The following VIRMA variants were observed in gnomAD, a reference collection of about 807,000 sequenced individuals.
VIRMA encodes protein virilizer homolog.
In VIRMA, 65 loss-of-function variants were observed where a neutral mutation model predicts 182.4. The ratio of observed to expected loss-of-function variants is 0.36; its 90% CI spans 0.29 to 0.44. The LOEUF is 0.44. Among genes scored for constraint, VIRMA ranks in the 20% least tolerant of loss-of-function variants. The probability of loss-of-function intolerance (pLI) is 1.00; values close to 1 mark genes in which losing one functional copy is unlikely to be tolerated. For synonymous variants in VIRMA, 709 were observed against 743.1 expected, an observed-to-expected ratio of 0.95 and a Z score of 0.75; for missense variants, 1,752 against 2,158.1, an observed-to-expected ratio of 0.81 and a Z score of 3.73.
At chr8:94,495,616 G>A in intron 19 of VIRMA, 115 bp downstream of exon 19, 1 of 666,212 alleles carries the variant, frequency 1.5e-6, no homozygotes, top group South Asian at 2.4e-5. Context: ...GGCCTGCAAA[G>A]CCTAGAATTC....
intron 16 of VIRMA, among the ~76,000 whole-genome samples, chr8:94,500,862 C>T (rs536636855): frequency 4.6e-5 from 7 of 151,952 alleles, no homozygotes; most frequent in East Asian, 1.9e-4. Flanking sequence ...AATTAGTCAC[C>T]GATAAGAACT....
chr8:94,526,642 A>C lies in VIRMA; in HGVS notation c.1602T>G (p.Leu534=), dbSNP rs1814980175. 6.2e-7 allele frequency: 1 copy of C among 1,614,082 alleles called. No homozygotes were observed. The highest frequency in any genetic ancestry group is 1.3e-5 in the African/African-American group (1 of 74,944). The change falls in exon 8 of 24, where the codon CTT becomes CTG. Residue 534 remains leucine (L), a synonymous_variant. Coordinates refer to ENST00000297591, the MANE Select transcript of VIRMA (RefSeq NM_015496.5). ...RQNEKSGYQK[L]LELILLDQTV... ...TCTGATCTAAAAGTATGAGTTCCAG[A>C]AGCTTTTGATAACCACTTTTTTCAT...
At chr8:94,496,648 T>C in intron 17 of VIRMA, 168 bp from the exon 18 acceptor site, 2 of 493,182 alleles carry the variant, frequency 4.1e-6, no homozygotes, top group South Asian at 1.0e-4. Flanking sequence ...AGGTGAAGTA[T>C]GTTTTCTTTG....
chr8:94,520,747 G>A (rs904625556), intron 8 of VIRMA, among the ~76,000 whole-genome samples: 2 of 152,162 alleles, frequency 1.3e-5, no homozygotes, highest in African/African-American at 4.8e-5. Flanking sequence ...TCCAAGGGAG[G>A]TCTGAGAACC....
In VIRMA at chr8:94,509,645, CAT is replaced by C. The variant is rs751021691; in HGVS notation, c.3879+41_3879+42del. 1.8e-3 allele frequency: 2,700 copies of C among 1,496,842 alleles called. 5 individuals are homozygous for C. Among genetic ancestry groups the C allele is most frequent in the East Asian group, 2.8e-3 (126 of 44,312 alleles). The allele number at this position is 1,496,842 out of a possible 1,614,324, so 92.7% of individuals were successfully genotyped here. A position where few individuals can be genotyped will look rare whatever the true frequency, so the allele number is the denominator to read the frequency against. The stretch of plus-strand genomic sequence containing the variant: ...TTAAATACACACACACACACACACA[CAT>C]ACACATGCAGAGAGAGACTTTATAA... On this transcript the variant is annotated intron_variant, in intron 15 of 23. Coordinates refer to ENST00000297591, the MANE Select transcript of VIRMA (RefSeq NM_015496.5).
intron 10 of VIRMA, among the ~76,000 whole-genome samples, chr8:94,515,656 G>C (rs2130319362): frequency 6.6e-6 from 1 of 152,076 alleles, no homozygotes; most frequent in East Asian, 1.9e-4. Flanking sequence ...ACAAGTGTGA[G>C]CCACCGCGCC....
At chr8:94,536,410 T>C (rs1815343720) in intron 4 of VIRMA, among the ~76,000 whole-genome samples, 1 of 152,250 alleles carries the variant, frequency 6.6e-6, no homozygotes, top group African/African-American at 2.4e-5. Context: ...GCATGGCATC[T>C]GGCATATCAA....
At chr8:94,535,035 C>A (rs764848814) in intron 4 of VIRMA, 28 bp from the exon 5 acceptor site, 1 of 1,550,884 alleles carries the variant, frequency 6.4e-7, no homozygotes, top group South Asian at 1.2e-5. Context: ...CAAAAAAAAT[C>A]TTTCAAAGTC....
rs1347368684 is a variant in VIRMA, at chr8:94,529,282, G to A, written c.668C>T (p.Pro223Leu). The change falls in exon 7 of 24, where the codon CCT becomes CTT. Residue 223 changes from proline to leucine, a missense_variant. Pro to Leu is a moderately conservative substitution (Grantham distance 98). Around this residue, in one of 11 missense-constraint regions of VIRMA, gnomAD observed 114 missense variants for 106.9 expected, o/e 1.07. Coordinates refer to ENST00000297591, the MANE Select transcript of VIRMA (RefSeq NM_015496.5). Reference sequence around the variant, plus strand: ...TTCCTGGGGAACAGAATTCCGATCAGGAGAAATGGGCTCAAAGTAATCTTC... The same window carrying A: ...TTCCTGGGGAACAGAATTCCGATCAAGAGAAATGGGCTCAAAGTAATCTTC... ...HREDYFEPIS[P>L]DRNSVPQEGQ... The A allele has an allele frequency of 2.5e-6, 4 of 1,613,202 alleles. No individual in the cohort carries two copies. The South Asian group carries it at 4.4e-5, about 18-fold the overall frequency.
chr8:94,502,767 C>A (rs1304743796), intron 16 of VIRMA, among the ~76,000 whole-genome samples: 2 of 151,994 alleles, frequency 1.3e-5, no homozygotes, highest in African/African-American at 4.8e-5. Flanking sequence ...ATAGGAAGTA[C>A]TTAAAAAATT....
intron 8 of VIRMA, 146 bp from the exon 9 acceptor site, chr8:94,519,622 A>T (rs1048279487): frequency 1.7e-5 from 13 of 774,068 alleles, no homozygotes; most frequent in Non-Finnish European, 1.9e-5. Flanking sequence ...ACATAATGTG[A>T]GTGGCAAGTC....
At chr8:94,534,229 CTT>C (rs1406860518) in intron 5 of VIRMA, 3 of 151,866 alleles carry the variant, frequency 2.0e-5, no homozygotes, top group Non-Finnish European at 4.4e-5. Flanking sequence ...TAAATGCACT[CTT>C]GAAAAAAAAA....
chr8:94,546,068 GGAAA>G (rs1838465866), intron 1 of VIRMA, among the ~76,000 whole-genome samples: 2 of 145,732 alleles, frequency 1.4e-5, no homozygotes, highest in Non-Finnish European at 2.9e-5. Flanking sequence ...AAAAAAAAAG[GGAAA>G]GAAAGAAATT....
intron 17 of VIRMA, chr8:94,497,438 CTTTTTTTTG>C (rs1181193230): frequency 6.7e-6 from 1 of 149,486 alleles, no homozygotes; most frequent in East Asian, 2.0e-4. Context: ...CTTTTTTTTT[CTTTTTTTTG>C]AGATGGAGTC....
At chr8:94,530,910 A>G in intron 6 of VIRMA, 53 bp downstream of exon 6, 1 of 1,568,198 alleles carries the variant, frequency 6.4e-7, no homozygotes, top group Non-Finnish European at 8.6e-7. Flanking sequence ...AAACAAAAAC[A>G]AAAATGTACT....
At chr8:94,514,557 A>G (rs1367490414) in intron 11 of VIRMA, among the ~76,000 whole-genome samples, 1 of 152,262 alleles carries the variant, frequency 6.6e-6, no homozygotes, top group African/African-American at 2.4e-5. Context: ...ACATGACTAC[A>G]GCATTTAAAA....
At position 94,553,426 on chromosome 8, in the gene VIRMA, C is replaced by T. The variant is rs183763827; in HGVS notation, c.22G>A (p.Glu8Lys). The T allele has an allele frequency of 2.5e-6, 4 of 1,614,198 alleles. No homozygotes were observed. Among genetic ancestry groups the T allele is most frequent in the Admixed American group, 1.7e-5 (1 of 60,010 alleles). ...TTAAAAGTATCTAAAAATAACAGCT[C>T]CATCGCCGAGTCCACCGCCATGTTT... The part of the protein sequence containing the change: MAVDSAM[E>K]LLFLDTFKHP... The change falls in exon 1 of 24, where the codon GAG becomes AAG. Residue 8 changes from glutamate to lysine, a missense_variant. Physicochemically the swap from Glu to Lys is moderately conservative, Grantham distance 56. Coordinates refer to ENST00000297591, the MANE Select transcript of VIRMA (RefSeq NM_015496.5).
chr8:94,549,679 G>A (rs986952864), intron 1 of VIRMA, among the ~76,000 whole-genome samples: 1 of 152,208 alleles, frequency 6.6e-6, no homozygotes, highest in African/African-American at 2.4e-5. Flanking sequence ...ACACAGCATA[G>A]CACTGCCTTA....
intron 16 of VIRMA, among the ~76,000 whole-genome samples, chr8:94,500,305 A>C (rs1268803469): frequency 1.3e-5 from 2 of 152,198 alleles, no homozygotes; most frequent in Non-Finnish European, 2.9e-5. Flanking sequence ...AGGCTGAGGC[A>C]GGAGAATCAC....
Sources: allele counts gnomAD v4.1 joint callset (sites outside exome capture counted in the v4.1 genomes callset), GRCh38; gene constraint gnomAD v4.1.1; regional missense constraint gnomAD v4.1.1; transcripts MANE v1.5; gene names NCBI Gene and HGNC (gene_info 2026-07-23, HGNC 2026-07-21).